The following KIAA0319L variants were observed in gnomAD, a reference collection of about 807,000 sequenced individuals.
The protein encoded by KIAA0319L is KIAA0319 like.
Under a neutral mutation model 120.1 loss-of-function variants are expected in KIAA0319L, and 55 were observed. The ratio of observed to expected loss-of-function variants is 0.46; its 90% CI spans 0.37 to 0.57. The LOEUF (loss-of-function observed/expected upper bound fraction) is 0.57, where lower values mean the gene tolerates loss of function less well. KIAA0319L is among the 20% of genes least tolerant of loss of function. The probability of loss-of-function intolerance (pLI) is 0.00; values close to 1 mark genes in which losing one functional copy is unlikely to be tolerated. For missense variants in KIAA0319L, 1,049 were observed against 1,255.3 expected, an observed-to-expected ratio of 0.84 and a Z score of 2.48; for synonymous variants, 398 against 471.9, an observed-to-expected ratio of 0.84 and a Z score of 2.03.
chr1:35,479,146 G>A lies in KIAA0319L; in HGVS notation c.733C>T (p.Pro245Ser). ...TDLTAELSGG[P>S]KNVSVQPEIS... Reference sequence around the variant, plus strand: ...TCAGGTTGCACTGATACATTCTTTGGCCCACCAGACAGCTCTGCAGTCAGG... The same window carrying A: ...TCAGGTTGCACTGATACATTCTTTGACCCACCAGACAGCTCTGCAGTCAGG... Residue 245 changes from proline to serine, a missense_variant, in exon 4 of 21, where the codon CCA becomes TCA. By Grantham distance (74) the Pro-to-Ser change is moderately conservative. Transcript: ENST00000325722. 6.2e-7 allele frequency: 1 copy of A among 1,613,930 alleles called. No homozygotes were observed. The highest frequency in any genetic ancestry group is 8.5e-7 in the Non-Finnish European group (1 of 1,179,868).
At position 35,533,721 on chromosome 1, in the gene KIAA0319L, C is replaced by T. The variant is rs1570982055; in HGVS notation, c.142+20629G>A. On this transcript the variant is annotated intron_variant, in intron 2 of 20. Transcript: ENST00000325722. ...TCAAAAGTATGCATTCTCTCAGAAG[C>T]AATGGGTCTCAGCCAAGATGGCTGC... Among the ~76,000 whole-genome samples the T allele has an allele frequency of 2.0e-5, 3 of 152,282 alleles. No homozygotes were observed. In the South Asian group the frequency reaches 6.2e-4, roughly 32 times the overall value.
intron 17 of KIAA0319L, 70 bp downstream of exon 17, chr1:35,444,091 C>A: frequency 3.0e-6 from 4 of 1,326,898 alleles, no homozygotes. Context: ...AGGCCAAGGA[C>A]AGAAAGGACC....
intron 5 of KIAA0319L, among the ~76,000 whole-genome samples, chr1:35,472,568 TACAGGCATGAGCCACC>T (rs145702544): frequency 0.014 from 2,162 of 152,240 alleles, 43 homozygotes; most frequent in African/African-American, 0.049. Context: ...GTGCTAGGAT[TACAGGCATGAGCCACC>T]ACGCCCAGCC....
chr1:35,540,513 T>G (rs925930416), intron 2 of KIAA0319L, among the ~76,000 whole-genome samples: 5 of 152,108 alleles, frequency 3.3e-5, no homozygotes, highest in Non-Finnish European at 7.4e-5. Flanking sequence ...GGGCAAAGGC[T>G]GCAGCTATAG....
rs775535308 is a variant in KIAA0319L at position 35,507,030 on chromosome 1, T to C, written c.248A>G (p.Gln83Arg). Residue 83 changes from glutamine to arginine, a missense_variant, in exon 3 of 21, where the codon CAG becomes CGG. Gln to Arg is a conservative substitution (Grantham distance 43). Transcript: ENST00000325722. ...LWLLEGTPSLQSCWAACCQDS... is the reference protein window; with the variant it reads ...LWLLEGTPSLRSCWAACCQDS... The stretch of plus-strand genomic sequence containing the variant: ...CTGGCAGCAGGCAGCCCAACATGAC[T>C]GGAGAGAGGGGGTTCCTTCAAGAAG... 1.1e-5 allele frequency: 18 copies of C among 1,609,742 alleles called. No homozygotes were observed. Among genetic ancestry groups the C allele is most frequent in the Non-Finnish European group, 1.4e-5 (17 of 1,177,968 alleles).
At chr1:35,471,188 T>C (rs1385496121) in intron 5 of KIAA0319L, among the ~76,000 whole-genome samples, 1 of 152,190 alleles carries the variant, frequency 6.6e-6, no homozygotes, top group African/African-American at 2.4e-5. Context: ...ACAATGCTTA[T>C]TCCTGCCCTA....
At chr1:35,491,430 G>A (rs1644588814) in intron 3 of KIAA0319L, among the ~76,000 whole-genome samples, 1 of 152,070 alleles carries the variant, frequency 6.6e-6, no homozygotes, top group East Asian at 1.9e-4. Flanking sequence ...ACAGTGGTAA[G>A]GAGAAAATTA....
chr1:35,435,951 C>T lies in KIAA0319L; in HGVS notation c.2963-870G>A, dbSNP rs556835864. Among the ~76,000 whole-genome samples the T allele has an allele frequency of 1.1e-4, 16 of 152,262 alleles. No individual in the cohort carries two copies. The South Asian group carries it at 3.1e-3, about 30-fold the overall frequency. ...TGGGAGCTGCCAACAGGTGGCACCCCCTCAGCAGTGTTCTGGGTCCTGGGA... is the reference window on the plus strand; with the variant it reads ...TGGGAGCTGCCAACAGGTGGCACCCTCTCAGCAGTGTTCTGGGTCCTGGGA... On this transcript the variant is annotated intron_variant, in intron 20 of 20. Transcript: ENST00000325722.
At chr1:35,499,780 T>TTA (rs1219953029) in intron 3 of KIAA0319L, among the ~76,000 whole-genome samples, 12 of 93,430 alleles carry the variant, frequency 1.3e-4, no homozygotes, top group African/African-American at 4.8e-4. Context: ...TAAAAACAAG[T>TTA]AAAAAAAAAA....
At chr1:35,438,188 C>T (rs1344885241) in intron 20 of KIAA0319L, among the ~76,000 whole-genome samples, 1 of 152,186 alleles carries the variant, frequency 6.6e-6, no homozygotes, top group Admixed American at 6.5e-5. Context: ...ACAATTTGGG[C>T]CTTGTCAATC....
chr1:35,466,648 AT>A lies in KIAA0319L; in HGVS notation c.1160del (p.Asn387MetfsTer8), dbSNP rs1156804461. The A allele has an allele frequency of 1.2e-6, 2 of 1,613,696 alleles. No homozygotes were observed. On this transcript the variant is annotated frameshift_variant, in exon 7 of 21. Coordinates refer to ENST00000325722, the MANE Select transcript of KIAA0319L (RefSeq NM_024874.5). LOFTEE classifies it high-confidence loss of function. Reference sequence around the variant, plus strand: ...CGTTCACATAGCCTTCCCCATGGGCATTTTGACCCTCTACAATCACTTTGAA... The same window carrying A: ...CGTTCACATAGCCTTCCCCATGGGCATTTGACCCTCTACAATCACTTTGAA... ...YEFKVIVEGQNAHGEGYVNVT... is the reference protein window; with the variant it reads ...YEFKVIVEGQXAHGEGYVNVT...
intron 2 of KIAA0319L, among the ~76,000 whole-genome samples, chr1:35,519,652 T>C (rs1213020773): frequency 2.6e-5 from 4 of 152,166 alleles, no homozygotes; most frequent in Admixed American, 6.5e-5. Context: ...CTTATCATTC[T>C]CCAGACCAGG....
intron 2 of KIAA0319L, among the ~76,000 whole-genome samples, chr1:35,518,206 C>T (rs1172837895): frequency 6.6e-6 from 1 of 152,154 alleles, no homozygotes; most frequent in Non-Finnish European, 1.5e-5. Context: ...TTCAACAATC[C>T]TATTACTGGG....
chr1:35,537,581 ACT>A (rs1457197921), intron 2 of KIAA0319L, among the ~76,000 whole-genome samples: 1 of 147,694 alleles, frequency 6.8e-6, no homozygotes, highest in East Asian at 2.0e-4. Context: ...ACCCATTGAA[ACT>A]CTCTCTTTTT....
At chr1:35,448,007 T>C (rs1190852750) in intron 16 of KIAA0319L, among the ~76,000 whole-genome samples, 166 bp downstream of exon 16, 2 of 152,216 alleles carry the variant, frequency 1.3e-5, no homozygotes, top group Non-Finnish European at 2.9e-5. Flanking sequence ...GTACAGCGCA[T>C]GTCACCTGCA....
At position 35,462,695 on chromosome 1, in the gene KIAA0319L, G is replaced by C; in HGVS notation, c.1220C>G (p.Pro407Arg). 6.2e-7 allele frequency: 1 copy of C among 1,613,992 alleles called. No individual in the cohort carries two copies. Among genetic ancestry groups the C allele is most frequent in the Non-Finnish European group, 8.5e-7 (1 of 1,179,884 alleles). ...CTGAGGTGACACAATAGCAATGGGG[G>C]GCCGATTCTTACGGGGCTCTGCAAG... ...TVKPEPRKNR[P>R]PIAIVSPQFQ... The change falls in exon 8 of 21, where the codon CCC becomes CGC. Residue 407 changes from proline to arginine, a missense_variant. Coordinates refer to ENST00000325722, the MANE Select transcript of KIAA0319L (RefSeq NM_024874.5).
intron 3 of KIAA0319L, among the ~76,000 whole-genome samples, chr1:35,491,603 A>C (rs1204437586): frequency 6.6e-6 from 1 of 152,182 alleles, no homozygotes; most frequent in Non-Finnish European, 1.5e-5. Flanking sequence ...TTGTTTAAAC[A>C]GGGAAAATAT....
At chr1:35,523,988 A>G (rs764270974) in intron 2 of KIAA0319L, among the ~76,000 whole-genome samples, 14 of 152,208 alleles carry the variant, frequency 9.2e-5, no homozygotes, top group Admixed American at 6.5e-5. Context: ...GACAAATCAT[A>G]ATGGTTAAGG....
chr1:35,523,717 C>G (rs914898929), intron 2 of KIAA0319L, among the ~76,000 whole-genome samples: 1 of 152,146 alleles, frequency 6.6e-6, no homozygotes, highest in Non-Finnish European at 1.5e-5. Flanking sequence ...GACATTAACC[C>G]TACCTCCCAA....
Sources: allele counts gnomAD v4.1 joint callset (sites outside exome capture counted in the v4.1 genomes callset), GRCh38; gene constraint gnomAD v4.1.1; transcripts MANE v1.5; gene names NCBI Gene and HGNC (gene_info 2026-07-23, HGNC 2026-07-21).